The following FBXO39 variants were observed in gnomAD, a reference collection of about 807,000 sequenced individuals.
FBXO39 encodes the protein F-box only protein 39.
Under a neutral mutation model 36.6 loss-of-function variants are expected in FBXO39, and 22 were observed. That is an observed-to-expected ratio of 0.60 (90% CI 0.43 to 0.86). FBXO39 has a LOEUF of 0.86. Among genes scored for constraint, FBXO39 ranks in the 40% least tolerant of loss-of-function variants. FBXO39 has a pLI of 0.00. For missense variants in FBXO39, 536 were observed against 543.9 expected, an observed-to-expected ratio of 0.99 and a Z score of 0.14; for synonymous variants, 206 against 205.8, an observed-to-expected ratio of 1.00 and a Z score of -0.01.
chr17:6,777,601 G>A (rs1976448469), intron 1 of FBXO39, among the ~76,000 whole-genome samples: 1 of 152,206 alleles, frequency 6.6e-6, no homozygotes, highest in African/African-American at 2.4e-5. Context: ...AGCTTTGCTT[G>A]GTGGTGAGTG....
intron 1 of FBXO39, among the ~76,000 whole-genome samples, chr17:6,777,215 G>A (rs1340991043): frequency 1.3e-5 from 2 of 151,878 alleles, no homozygotes; most frequent in Admixed American, 1.3e-4. Flanking sequence ...TAGAATTTAA[G>A]CCCCGCATGC....
Position 6,780,269 on chromosome 17 carries a change from T to C in FBXO39, c.401T>C (p.Leu134Pro). 6.2e-7 allele frequency: 1 copy of C among 1,614,194 alleles called. No homozygotes were observed. The highest frequency in any genetic ancestry group is 8.5e-7 in the Non-Finnish European group (1 of 1,180,044). Residue 134 changes from leucine (L) to proline (P), a missense_variant, in exon 2 of 4, where the codon CTG becomes CCG. Leu to Pro is a moderately conservative substitution (Grantham distance 98). Coordinates refer to ENST00000321535, the MANE Select transcript of FBXO39 (RefSeq NM_153230.3). ...CTGAAATCTCTTTCCATCCAATACC[T>C]GGAGCTGGACCGCCTGGTATGGAGG... The part of the protein sequence containing the change: ...NRLKSLSIQY[L>P]ELDRLVWRNS...
intron 2 of FBXO39, among the ~76,000 whole-genome samples, chr17:6,782,103 TAAC>T (rs1226525096): frequency 6.6e-6 from 1 of 152,024 alleles, no homozygotes; most frequent in East Asian, 1.9e-4. Flanking sequence ...CAAACAGAAA[TAAC>T]AAAAAGTTAA....
Position 6,779,807 on chromosome 17 carries a change from C to T in FBXO39, c.-62C>T, listed in dbSNP as rs539676107. On this transcript the variant is annotated 5_prime_UTR_variant, in exon 2 of 4. Coordinates refer to ENST00000321535, the MANE Select transcript of FBXO39 (RefSeq NM_153230.3). ...CCCACAGAAAGCAAGTGATTGCTTT[C>T]CTTTCCTCATTTTTGGAAGCCCTGC... is the stretch of plus-strand genomic sequence containing the variant. The T allele has an allele frequency of 1.3e-3, 2,039 of 1,519,170 alleles. 6 individuals are homozygous for T. The highest frequency in any genetic ancestry group is 1.6e-3 in the Non-Finnish European group (1,849 of 1,121,400). The allele number at this position is 1,519,170 out of a possible 1,614,324, so 94.1% of individuals were successfully genotyped here. A position where few individuals can be genotyped will look rare whatever the true frequency, so the allele number is the denominator to read the frequency against.
At chr17:6,781,033 C>T in intron 2 of FBXO39, 142 bp downstream of exon 2, 1 of 835,826 alleles carries the variant, frequency 1.2e-6, no homozygotes, top group Non-Finnish European at 1.8e-6. Flanking sequence ...ACCAACTAAG[C>T]CTCCTGCCCT....
In FBXO39 at chr17:6,787,504, A is replaced by T. The variant is rs1420800729; in HGVS notation, c.*76A>T. 2.5e-6 allele frequency: 4 copies of T among 1,568,938 alleles called. No individual in the cohort carries two copies. The highest frequency in any genetic ancestry group is 3.5e-6 in the Non-Finnish European group (4 of 1,153,696). On this transcript the variant is annotated 3_prime_UTR_variant, in exon 4 of 4. Coordinates refer to ENST00000321535, the MANE Select transcript of FBXO39 (RefSeq NM_153230.3). ...ATTTCTCTTAGAACTACACTTGGGC[A>T]CTGCCGGCCCTTTTGCTCCTCTCTC...
chr17:6,781,021 C>T, intron 2 of FBXO39, 130 bp downstream of exon 2: 1 of 1,007,624 alleles, frequency 9.9e-7, no homozygotes, highest in East Asian at 2.5e-5. Flanking sequence ...CTAGGAAATA[C>T]CACCAACTAA....
At chr17:6,785,405 TG>T in intron 2 of FBXO39, among the ~76,000 whole-genome samples, 1 of 152,156 alleles carries the variant, frequency 6.6e-6, no homozygotes, top group South Asian at 2.1e-4. Flanking sequence ...AAGAAAACAT[TG>T]GGGAAACTCT....
chr17:6,776,325 G>A (rs11078649), intron 1 of FBXO39, 53 bp downstream of exon 1: 42,779 of 152,418 alleles, frequency 0.28, 6,170 homozygotes, highest in East Asian at 0.4. Flanking sequence ...AACGGGTAAC[G>A]GGAGAATGCG....
In FBXO39 at chr17:6,787,253, T is replaced by TGTGTGTGTGTGTGTGTGC. The variant is rs138181464; in HGVS notation, c.1201-46_1201-45insTGTGTGTGTGTGTGTGCG. On this transcript the variant is annotated intron_variant, in intron 3 of 3. Coordinates refer to ENST00000321535, the MANE Select transcript of FBXO39 (RefSeq NM_153230.3). ...GTGTGTGTGTATGTGTGTGTGTGTG[T>TGTGTGTGTGTGTGTGTGC]GCGTGTGTGCGTGCTCATATGTGGA... The TGTGTGTGTGTGTGTGTGC allele has an allele frequency of 5.4e-4, 833 of 1,551,906 alleles. 6 individuals carry two copies. In the African/African-American group the frequency reaches 1.0e-2, roughly 19 times the overall value.
Position 6,780,274 on chromosome 17 carries a change from C to G in FBXO39, c.406C>G (p.Leu136Val). 1 of 1,614,190 alleles carries G rather than the reference C, an allele frequency of 6.2e-7. No homozygotes were observed. Among genetic ancestry groups the G allele is most frequent in the Non-Finnish European group, 8.5e-7 (1 of 1,180,036 alleles). ...LKSLSIQYLE[L>V]DRLVWRNSIR... ...ATCTCTTTCCATCCAATACCTGGAG[C>G]TGGACCGCCTGGTATGGAGGAACAG... is the stretch of plus-strand genomic sequence containing the variant. The change falls in exon 2 of 4, where the codon CTG (leucine) becomes GTG (valine). Residue 136 changes from leucine to valine, a missense_variant. Transcript: ENST00000321535.
chr17:6,779,089 C>T (rs1976470161), intron 1 of FBXO39, among the ~76,000 whole-genome samples: 2 of 152,124 alleles, frequency 1.3e-5, no homozygotes, highest in Non-Finnish European at 2.9e-5. Flanking sequence ...GAATTTTACA[C>T]AACTGTCAGC....
intron 1 of FBXO39, among the ~76,000 whole-genome samples, chr17:6,777,321 C>T (rs1417712991): frequency 6.6e-6 from 1 of 152,020 alleles, no homozygotes; most frequent in South Asian, 2.1e-4. Context: ...CATGTGTTCT[C>T]ATTGTTCAAC....
intron 1 of FBXO39, among the ~76,000 whole-genome samples, chr17:6,777,271 C>A (rs538977105): frequency 3.9e-5 from 6 of 152,080 alleles, no homozygotes; most frequent in Middle Eastern, 3.4e-3. Context: ...CCCGCCACCC[C>A]CCGACAGGCC....
At chr17:6,781,351 G>A (rs1255961445) in intron 2 of FBXO39, among the ~76,000 whole-genome samples, 1 of 152,144 alleles carries the variant, frequency 6.6e-6, no homozygotes, top group Admixed American at 6.5e-5. Context: ...GGGAGGACCA[G>A]GCCAGACAAA....
chr17:6,785,513 A>C (rs1204720797), intron 2 of FBXO39, among the ~76,000 whole-genome samples: 2 of 152,210 alleles, frequency 1.3e-5, no homozygotes, highest in Non-Finnish European at 2.9e-5. Flanking sequence ...CAAGTTAAAA[A>C]GTTTCTGTAC....
At position 6,786,788 on chromosome 17, in the gene FBXO39, T is replaced by C. The variant is rs772952278; in HGVS notation, c.1032T>C (p.Thr344=). Residue 344 remains threonine, a synonymous_variant, in exon 3 of 4, where the codon ACT becomes ACC. Coordinates refer to ENST00000321535, the MANE Select transcript of FBXO39 (RefSeq NM_153230.3). ...PTFRHTLQKL[T]CEFNNNHESL... ...TTTTGGTGCTCTTCCAGAAATTAAC[T>C]TGTGAATTCAACAACAACCATGAGT... The C allele has an allele frequency of 9.4e-6, 15 of 1,603,648 alleles. No homozygotes were observed. The Admixed American group carries it at 2.2e-4, about 24-fold the overall frequency.
At position 6,787,319 on chromosome 17, in the gene FBXO39, G is replaced by T. The variant is rs766792237; in HGVS notation, c.1220G>T (p.Arg407Ile). Residue 407 changes from arginine (R) to isoleucine (I), a missense_variant, in exon 4 of 4, where the codon AGA becomes ATA. Physicochemically the swap from Arg to Ile is moderately conservative, Grantham distance 97. Transcript: ENST00000321535. ...RVFKARIYTN[R>I]YETNEEDKTL... ...GCACAGGCGAGAATTTATACAAACAGATATGAGACGAATGAAGAGGACAAG... is the reference window on the plus strand; with the variant it reads ...GCACAGGCGAGAATTTATACAAACATATATGAGACGAATGAAGAGGACAAG... 6.2e-7 allele frequency: 1 copy of T among 1,613,914 alleles called. No individual in the cohort carries two copies. Among genetic ancestry groups the T allele is most frequent in the South Asian group, 1.1e-5 (1 of 91,072 alleles).
chr17:6,787,238 A>ATGTGTG lies in FBXO39; in HGVS notation c.1201-51_1201-46dup, dbSNP rs756808686. ...GTGTAGTCACCGTGTGTGTGTGTGT[A>ATGTGTG]TGTGTGTGTGTGTGTGCGTGTGTGC... is the stretch of plus-strand genomic sequence containing the variant. On this transcript the variant is annotated intron_variant, in intron 3 of 3. Coordinates refer to ENST00000321535, the MANE Select transcript of FBXO39 (RefSeq NM_153230.3). 1.1e-5 allele frequency: 10 copies of ATGTGTG among 873,698 alleles called. No individual in the cohort carries two copies. In the Admixed American group the frequency reaches 4.2e-4, roughly 37 times the overall value. 54.1% of individuals were successfully genotyped at this position (873,698 alleles called of 1,614,324 possible).
Sources: allele counts gnomAD v4.1 joint callset (sites outside exome capture counted in the v4.1 genomes callset), GRCh38; gene constraint gnomAD v4.1.1; transcripts MANE v1.5; gene names NCBI Gene and HGNC (gene_info 2026-07-23, HGNC 2026-07-21).